The following GALNT1 variants were observed in gnomAD, a reference collection of about 807,000 sequenced individuals.
The protein encoded by GALNT1 is GalNAc transferase 1.
Under a neutral mutation model 65.7 loss-of-function variants are expected in GALNT1, and 17 were observed. That is an observed-to-expected ratio of 0.26 (90% CI 0.18 to 0.39). The LOEUF is 0.39. GALNT1 is among the 10% of genes least tolerant of loss of function. The probability of loss-of-function intolerance (pLI) is 1.00; values close to 1 mark genes in which losing one functional copy is unlikely to be tolerated. For synonymous variants in GALNT1, 210 were observed against 219.7 expected, an observed-to-expected ratio of 0.96 and a Z score of 0.39; for missense variants, 460 against 672.8, an observed-to-expected ratio of 0.68 and a Z score of 3.50.
intron 1 of GALNT1, among the ~76,000 whole-genome samples, chr18:35,620,514 CCCT>C (rs2144102219): frequency 6.6e-6 from 1 of 152,220 alleles, no homozygotes; most frequent in East Asian, 1.9e-4. Context: ...TTCCCTTCCT[CCCT>C]CCTCAGAAAC....
At chr18:35,683,261 A>G (rs1314755019) in intron 4 of GALNT1, 130 bp from the exon 5 acceptor site, 9 of 668,184 alleles carry the variant, frequency 1.3e-5, no homozygotes, top group African/African-American at 3.6e-5. Flanking sequence ...GAATGGGTTT[A>G]TGAGTCAGGG....
At chr18:35,581,969 G>A (rs1294815310) in intron 1 of GALNT1, 107 bp downstream of exon 1, 1 of 151,912 alleles carries the variant, frequency 6.6e-6, no homozygotes, top group Non-Finnish European at 1.5e-5. Context: ...TCCCTTTGTG[G>A]CCGGCGCTGC....
At chr18:35,668,253 A>G (rs778461684) in intron 3 of GALNT1, among the ~76,000 whole-genome samples, 3 of 152,202 alleles carry the variant, frequency 2.0e-5, no homozygotes, top group Non-Finnish European at 4.4e-5. Context: ...TCAAAAGTTC[A>G]TGGGAAAAAA....
chr18:35,601,504 A>G (rs553934794), intron 1 of GALNT1, among the ~76,000 whole-genome samples: 1 of 151,532 alleles, frequency 6.6e-6, no homozygotes, highest in Non-Finnish European at 1.5e-5. Flanking sequence ...TTGTTTTTCT[A>G]GTTACTTGAG....
intron 1 of GALNT1, among the ~76,000 whole-genome samples, chr18:35,637,278 G>A (rs1465423300): frequency 6.6e-6 from 1 of 152,196 alleles, no homozygotes; most frequent in Non-Finnish European, 1.5e-5. Context: ...TAGTGAGGAA[G>A]GCATGTCGAA....
intron 7 of GALNT1, among the ~76,000 whole-genome samples, chr18:35,690,484 A>G (rs2047943589): frequency 6.6e-6 from 1 of 152,228 alleles, no homozygotes; most frequent in South Asian, 2.1e-4. Flanking sequence ...TTTATGAAAC[A>G]GTATGTCCTT....
chr18:35,657,438 G>A (rs1238619331), intron 2 of GALNT1, among the ~76,000 whole-genome samples: 1 of 152,162 alleles, frequency 6.6e-6, no homozygotes, highest in Non-Finnish European at 1.5e-5. Flanking sequence ...GCGATGTTCT[G>A]CAGTAGAGAA....
At chr18:35,628,699 G>A (rs981439401) in intron 1 of GALNT1, among the ~76,000 whole-genome samples, 23 of 152,188 alleles carry the variant, frequency 1.5e-4, no homozygotes, top group Non-Finnish European at 1.9e-4. Context: ...CACCAGCAAC[G>A]GAACAAAGCT....
Position 35,709,993 on chromosome 18 carries a change from A to C in GALNT1, c.*223A>C, listed in dbSNP as rs545934436. 1.5e-5 allele frequency: 7 copies of C among 474,004 alleles called. No homozygotes were observed. The highest frequency in any genetic ancestry group is 3.3e-5 in the Admixed American group (1 of 29,990). 29.4% of individuals were successfully genotyped at this position (474,004 alleles called of 1,614,324 possible). On this transcript the variant is annotated 3_prime_UTR_variant, in exon 12 of 12. Transcript: ENST00000269195. ...ACTGCATAGTAATGAGACTGTGCACACTGATGTTTACAAGATTGAAAGAGT... is the reference window on the plus strand; with the variant it reads ...ACTGCATAGTAATGAGACTGTGCACCCTGATGTTTACAAGATTGAAAGAGT...
At chr18:35,618,560 TTAG>T (rs2046813253) in intron 1 of GALNT1, among the ~76,000 whole-genome samples, 1 of 152,204 alleles carries the variant, frequency 6.6e-6, no homozygotes. Flanking sequence ...ATTAGAGGTT[TTAG>T]TAGAATAGTT....
chr18:35,647,908 G>A (rs187713063), intron 1 of GALNT1, among the ~76,000 whole-genome samples: 25 of 152,130 alleles, frequency 1.6e-4, no homozygotes, highest in African/African-American at 3.1e-4. Flanking sequence ...AGGGTTAGGC[G>A]TGGTGGTGCG....
chr18:35,590,921 C>A (rs1356744299), intron 1 of GALNT1, among the ~76,000 whole-genome samples: 1 of 152,144 alleles, frequency 6.6e-6, no homozygotes, highest in Non-Finnish European at 1.5e-5. Context: ...GCAAAGGGAA[C>A]ACTGTCTCAA....
chr18:35,640,745 T>A (rs780545693), intron 1 of GALNT1, among the ~76,000 whole-genome samples: 91 of 152,224 alleles, frequency 6.0e-4, no homozygotes, highest in Non-Finnish European at 1.0e-3. Flanking sequence ...GAGAGATAGA[T>A]CAATAGAAGA....
At chr18:35,686,827 T>C (rs1247805524) in intron 5 of GALNT1, among the ~76,000 whole-genome samples, 189 bp from the exon 6 acceptor site, 2 of 152,142 alleles carry the variant, frequency 1.3e-5, no homozygotes, top group Non-Finnish European at 2.9e-5. Context: ...GGAAGATCAC[T>C]TGAGGAGGTC....
At chr18:35,687,475 TTTAATTCAG>T (rs1299648880) in intron 6 of GALNT1, among the ~76,000 whole-genome samples, 1 of 152,232 alleles carries the variant, frequency 6.6e-6, no homozygotes, top group East Asian at 1.9e-4. Flanking sequence ...AGATCTGTAC[TTTAATTCAG>T]TTATTAAGGA....
At chr18:35,669,570 G>A (rs1389007814) in intron 3 of GALNT1, among the ~76,000 whole-genome samples, 1 of 152,164 alleles carries the variant, frequency 6.6e-6, no homozygotes, top group East Asian at 1.9e-4. Context: ...TAGGAAAACA[G>A]GCGATAAGTT....
intron 1 of GALNT1, among the ~76,000 whole-genome samples, chr18:35,600,922 G>GT (rs2046574125): frequency 6.6e-6 from 1 of 152,010 alleles, no homozygotes; most frequent in African/African-American, 2.4e-5. Context: ...GTCCTTGTCT[G>GT]TTTTTGGTAT....
rs1007228505 is a variant in GALNT1, at chr18:35,675,509, A to G, written c.315-2082A>G. Among the ~76,000 whole-genome samples, 43 of 152,160 alleles carry G rather than the reference A, an allele frequency of 2.8e-4. 1 individual carries two copies. Among genetic ancestry groups the G allele is most frequent in the African/African-American group, 9.9e-4 (41 of 41,448 alleles). On this transcript the variant is annotated intron_variant, in intron 3 of 11. Transcript: ENST00000269195. Reference sequence around the variant, plus strand: ...AATCTTACAATCTTACTTCCTTTCCATACAGTTTTAGAATTTTATTCTTTA... The same window carrying G: ...AATCTTACAATCTTACTTCCTTTCCGTACAGTTTTAGAATTTTATTCTTTA...
At chr18:35,695,210 A>C (rs1377027249) in intron 9 of GALNT1, among the ~76,000 whole-genome samples, 1 of 141,864 alleles carries the variant, frequency 7.0e-6, no homozygotes, top group Non-Finnish European at 1.5e-5. Flanking sequence ...ATCTGTTGTT[A>C]TGGGTGTCAT....
Sources: allele counts gnomAD v4.1 joint callset (sites outside exome capture counted in the v4.1 genomes callset), GRCh38; gene constraint gnomAD v4.1.1; transcripts MANE v1.5; gene names NCBI Gene and HGNC (gene_info 2026-07-23, HGNC 2026-07-21).